PNKD: variants seen among roughly 807,000 people sequenced by gnomAD.
The protein encoded by PNKD is probable thioesterase PNKD.
Under a neutral mutation model 45.3 loss-of-function variants are expected in PNKD, and 36 were observed. The ratio of observed to expected loss-of-function variants is 0.80; its 90% CI spans 0.61 to 1.05. The LOEUF (loss-of-function observed/expected upper bound fraction) is 1.05, where lower values mean the gene tolerates loss of function less well. Among genes scored for constraint, PNKD ranks in the 50% least tolerant of loss-of-function variants. The pLI is 0.00. For synonymous variants in PNKD, 197 were observed against 210.1 expected, an observed-to-expected ratio of 0.94 and a Z score of 0.54; for missense variants, 511 against 506.6, an observed-to-expected ratio of 1.01 and a Z score of -0.08.
chr2:218,274,775 A>G (rs898436292), intron 2 of PNKD: 1 of 154,792 alleles, frequency 6.5e-6, no homozygotes. Flanking sequence ...TCTGTCTTAT[A>G]GCGTCACAAG....
chr2:218,324,683 C>T (rs1694092429), intron 2 of PNKD, among the ~76,000 whole-genome samples: 1 of 152,014 alleles, frequency 6.6e-6, no homozygotes, highest in Admixed American at 6.5e-5. Context: ...GCCTGTAATC[C>T]CAGCACTTTG....
chr2:218,308,188 A>AT (rs36099207), intron 2 of PNKD, among the ~76,000 whole-genome samples: 49,246 of 137,560 alleles, frequency 0.36, 9,389 homozygotes, highest in Middle Eastern at 0.56. Flanking sequence ...AGCATTTTAG[A>AT]TTTTTTTTTT....
rs749642769 is a variant in PNKD at position 218,271,484 on chromosome 2, C to G, written c.171C>G (p.Ser57=). The change falls in exon 2 of 10, where the codon TCC becomes TCG. Residue 57 remains serine, a synonymous_variant. Coordinates refer to ENST00000273077, the MANE Select transcript of PNKD (RefSeq NM_015488.5). ...GCAAGGAGGAACCTGAACCCCTATC[C>G]CCGGAGCTGGAATACATTCCCAGAA... ...PEGKEEPEPL[S]PELEYIPRKR... The G allele has an allele frequency of 1.2e-6, 2 of 1,614,174 alleles. No homozygotes were observed. Among genetic ancestry groups the G allele is most frequent in the Non-Finnish European group, 1.7e-6 (2 of 1,180,024 alleles).
intron 2 of PNKD, among the ~76,000 whole-genome samples, chr2:218,320,561 C>T (rs1693959773): frequency 6.6e-6 from 1 of 152,152 alleles, no homozygotes; most frequent in South Asian, 2.1e-4. Context: ...GAGTGAGACC[C>T]TGTCTCTATT....
rs2014608 is a variant in PNKD, at chr2:218,306,616, G to A, written c.237-33167G>A. Among the ~76,000 whole-genome samples the A allele has an allele frequency of 8.1e-4, 124 of 152,240 alleles. 1 individual carries two copies. The highest frequency in any genetic ancestry group is 5.8e-4 in the East Asian group (3 of 5,186). Reference sequence around the variant, plus strand: ...ATTGCCCCAAGGTGCAGAGTTCCTAGTGGAGCCAGGGTTCTAAGCTGGTCA... The same window carrying A: ...ATTGCCCCAAGGTGCAGAGTTCCTAATGGAGCCAGGGTTCTAAGCTGGTCA... On this transcript the variant is annotated intron_variant, in intron 2 of 9. Transcript: ENST00000273077.
chr2:218,277,653 GA>G, intron 2 of PNKD: 1 of 1,614,182 alleles, frequency 6.2e-7, no homozygotes, highest in Non-Finnish European at 8.5e-7. Flanking sequence ...TGCCCGTCAT[GA>G]AGCCCATGGC....
At chr2:218,290,945 G>A (rs1396387696) in intron 2 of PNKD, among the ~76,000 whole-genome samples, 1 of 152,142 alleles carries the variant, frequency 6.6e-6, no homozygotes, top group Non-Finnish European at 1.5e-5. Flanking sequence ...TCCACTCTCT[G>A]GTCGTCCCAG....
chr2:218,289,257 C>T lies in PNKD; in HGVS notation c.236+17708C>T, dbSNP rs1452442124. 1.2e-3 allele frequency among the ~76,000 whole-genome samples: 8 copies of T among 6,826 alleles called. No individual in the cohort carries two copies. The Non-Finnish European group carries it at 0.024, about 21-fold the overall frequency. 4.5% of individuals were successfully genotyped at this position (6,826 alleles called of 152,430 possible). A position where few individuals can be genotyped will look rare whatever the true frequency, so the allele number is the denominator to read the frequency against. ...TGGGTCCTGGGCTAGGAGGTGGGGACCTGAAGTTCTTGTCCTGGCTTTGGG... is the reference window on the plus strand; with the variant it reads ...TGGGTCCTGGGCTAGGAGGTGGGGATCTGAAGTTCTTGTCCTGGCTTTGGG... On this transcript the variant is annotated intron_variant, in intron 2 of 9. Transcript: ENST00000273077.
At chr2:218,281,187 G>A (rs1691945167) in intron 2 of PNKD, among the ~76,000 whole-genome samples, 1 of 127,716 alleles carries the variant, frequency 7.8e-6, no homozygotes, top group Admixed American at 9.5e-5. Flanking sequence ...AGGCTGAAGT[G>A]CAGTAGTGCG....
At chr2:218,323,250 C>T (rs1252685566) in intron 2 of PNKD, 5 of 1,474,888 alleles carry the variant, frequency 3.4e-6, no homozygotes, top group East Asian at 2.9e-5. Flanking sequence ...GCCCGGCCGG[C>T]GCGTGCCTGC....
At chr2:218,336,269 CT>C (rs1352692556) in intron 2 of PNKD, among the ~76,000 whole-genome samples, 2 of 148,600 alleles carry the variant, frequency 1.3e-5, no homozygotes, top group African/African-American at 5.0e-5. Flanking sequence ...AAATATGAAG[CT>C]TTTTTTCTTC....
chr2:218,328,920 C>T lies in PNKD; in HGVS notation c.237-10863C>T, dbSNP rs576297209. ...CTGACTGCTCTGTGTTCCTAAGGGG[C>T]CTTGGGGCCGGGCACAGTGGCTCAC... On this transcript the variant is annotated intron_variant, in intron 2 of 9. Coordinates refer to ENST00000273077, the MANE Select transcript of PNKD (RefSeq NM_015488.5). 8.5e-5 allele frequency among the ~76,000 whole-genome samples: 13 copies of T among 152,216 alleles called. No homozygotes were observed. In the South Asian group the frequency reaches 2.7e-3, roughly 32 times the overall value.
chr2:218,278,441 C>T (rs1396622320), intron 2 of PNKD: 3 of 1,468,336 alleles, frequency 2.0e-6, no homozygotes, highest in African/African-American at 2.8e-5. Flanking sequence ...TAAAGGAATC[C>T]TTCTTTCCAA....
At chr2:218,305,100 C>T (rs913350610) in intron 2 of PNKD, among the ~76,000 whole-genome samples, 5 of 152,012 alleles carry the variant, frequency 3.3e-5, no homozygotes, top group African/African-American at 4.8e-5. Flanking sequence ...TAAAGTGGGG[C>T]GACCATCACC....
Position 218,340,059 on chromosome 2 carries a change from C to T in PNKD, c.383C>T (p.Ser128Leu), listed in dbSNP as rs200782799. The T allele has an allele frequency of 7.4e-6, 12 of 1,612,700 alleles. No homozygotes were observed. In the Admixed American group the frequency reaches 8.3e-5, roughly 11 times the overall value. The change falls in exon 4 of 10, where the codon TCG (serine) becomes TTG (leucine). Residue 128 changes from serine to leucine, a missense_variant. Ser to Leu is a moderately radical substitution (Grantham distance 145). Transcript: ENST00000273077. This position sits in a 1 kb window ranked among gnomAD's most constrained non-coding sequence, Gnocchi z 4.2. ...AAGGTGCTTCCCATCCCTGTCCTCTCGGACAACTACAGCTACCTCATCATC... is the reference window on the plus strand; with the variant it reads ...AAGGTGCTTCCCATCCCTGTCCTCTTGGACAACTACAGCTACCTCATCATC... ...GVKVLPIPVL[S>L]DNYSYLIIDT...
chr2:218,317,448 TAG>T (rs1693845943), intron 2 of PNKD, among the ~76,000 whole-genome samples: 1 of 152,206 alleles, frequency 6.6e-6, no homozygotes, highest in Non-Finnish European at 1.5e-5. Flanking sequence ...TTGAAATCCT[TAG>T]AGAGTCTGGG....
intron 2 of PNKD, among the ~76,000 whole-genome samples, chr2:218,316,252 AT>A (rs1213288989): frequency 2.2e-3 from 269 of 124,924 alleles, no homozygotes; most frequent in African/African-American, 7.6e-3. Context: ...TCAAGGGAAG[AT>A]TTTTTTCTTT....
intron 2 of PNKD, among the ~76,000 whole-genome samples, chr2:218,298,761 T>C (rs552052278): frequency 6.6e-5 from 10 of 152,264 alleles, no homozygotes; most frequent in Admixed American, 6.5e-4. Context: ...CCAGCCAGAA[T>C]ACCGGGGGAT....
chr2:218,305,651 C>G (rs1188548167), intron 2 of PNKD, among the ~76,000 whole-genome samples: 2 of 152,070 alleles, frequency 1.3e-5, no homozygotes, highest in Non-Finnish European at 2.9e-5. Context: ...AGCCACCACC[C>G]CCAGCCCAGA....
Sources: gnomAD v4.1 joint callset for allele counts (sites outside exome capture counted in the v4.1 genomes callset) on GRCh38, gnomAD v4.1.1 for gene constraint, Gnocchi (gnomAD v3.1) non-coding constraint, MANE v1.5 for transcripts, NCBI Gene and HGNC (gene_info 2026-07-23, HGNC 2026-07-21) for gene names.